COBL: variants seen among roughly 807,000 people sequenced by gnomAD.
COBL encodes the protein cordon-bleu WH2 repeat protein.
In COBL, 51 loss-of-function variants were observed where a neutral mutation model predicts 98.8. That is an observed-to-expected ratio of 0.52 (90% CI 0.41 to 0.65). The LOEUF (loss-of-function observed/expected upper bound fraction) is 0.65. Ranked by LOEUF, COBL falls within the 30% of genes least tolerant of loss-of-function variation. The pLI, the probability that COBL is intolerant of heterozygous loss-of-function variation, is 0.00. For synonymous variants in COBL, 634 were observed against 651.7 expected (o/e 0.97, Z 0.41); for missense variants, 1,617 against 1,617.5 (o/e 1.00, Z 0.01).
chr7:51,313,640 GA>G (rs572752719), intron 1 of COBL, among the ~76,000 whole-genome samples: 2 of 150,142 alleles, frequency 1.3e-5, no homozygotes, highest in East Asian at 1.9e-4. Flanking sequence ...TCCTCCATAG[GA>G]AAAAAAAAAT....
In COBL at chr7:51,029,345, G is replaced by A; in HGVS notation, c.1751C>T (p.Ala584Val). 6.2e-7 allele frequency: 1 copy of A among 1,604,640 alleles called. No individual in the cohort carries two copies. The highest frequency in any genetic ancestry group is 8.5e-7 in the Non-Finnish European group (1 of 1,174,130). The change falls in exon 10 of 13, where the codon GCT becomes GTT. Residue 584 changes from alanine to valine, a missense_variant. By Grantham distance (64) the Ala-to-Val change is moderately conservative (BLOSUM62 0). This residue lies in a region of COBL where 1,304 missense variants were observed against 1,282.0 expected (regional missense o/e 1.02). Coordinates refer to ENST00000265136, the MANE Select transcript of COBL (RefSeq NM_015198.5). ...CTTTTCATGGGGCTGGCTGTGCTCA[G>A]CTTGAAGTGGCGCCAGGGAGTCTCT... is the stretch of plus-strand genomic sequence containing the variant. Reference protein sequence around the residue: ...SRRDSLAPLQAEHSQPHEKAR... With the variant: ...SRRDSLAPLQVEHSQPHEKAR...
chr7:51,081,537 C>T (rs1447974735), intron 7 of COBL, among the ~76,000 whole-genome samples: 1 of 152,174 alleles, frequency 6.6e-6, no homozygotes, highest in Non-Finnish European at 1.5e-5. Context: ...AAGTACCCCT[C>T]CCACATCTTG....
rs1793454730 is a variant in COBL at position 51,219,854 on chromosome 7, G to A, written c.132C>T (p.Ala44=). 6.8e-6 allele frequency: 11 copies of A among 1,613,890 alleles called. No homozygotes were observed. The highest frequency in any genetic ancestry group is 2.7e-5 in the African/African-American group (2 of 75,022). Residue 44 remains alanine, a synonymous_variant, in exon 2 of 13, where the codon GCC becomes GCT. Coordinates refer to ENST00000265136, the MANE Select transcript of COBL (RefSeq NM_015198.5). The part of the protein sequence containing the change: ...HSDQKPPHDG[A]LGSQQNLVRM... ...GAACCAAGTTCTGCTGCGACCCGAG[G>A]GCCCCATCGTGGGGGGGCTTCTGGT... is the stretch of plus-strand genomic sequence containing the variant.
intron 1 of COBL, among the ~76,000 whole-genome samples, chr7:51,240,059 T>C (rs1279671130): frequency 6.6e-6 from 1 of 152,198 alleles, no homozygotes; most frequent in Non-Finnish European, 1.5e-5. Flanking sequence ...TTACAAAATA[T>C]TATTTTCCTG....
chr7:51,091,679 G>T (rs1255493075), intron 6 of COBL, among the ~76,000 whole-genome samples: 1 of 152,090 alleles, frequency 6.6e-6, no homozygotes. Flanking sequence ...AAAGCTCAAA[G>T]GACTCCAACT....
At chr7:51,186,398 C>T (rs1402607831) in intron 4 of COBL, among the ~76,000 whole-genome samples, 1 of 152,210 alleles carries the variant, frequency 6.6e-6, no homozygotes, top group Non-Finnish European at 1.5e-5. Context: ...AAACAGATGA[C>T]ATCATAGTAT....
At chr7:51,293,630 A>T (rs1002059009) in intron 1 of COBL, among the ~76,000 whole-genome samples, 2 of 152,236 alleles carry the variant, frequency 1.3e-5, no homozygotes, top group African/African-American at 4.8e-5. Flanking sequence ...GGTGTCACAC[A>T]CATCAAAATT....
At chr7:51,179,129 C>A (rs1192324172) in intron 5 of COBL, among the ~76,000 whole-genome samples, 1 of 152,182 alleles carries the variant, frequency 6.6e-6, no homozygotes, top group Non-Finnish European at 1.5e-5. Flanking sequence ...GAAATCCAAA[C>A]AGGGACCCTG....
intron 1 of COBL, among the ~76,000 whole-genome samples, chr7:51,262,471 A>C (rs554639252): frequency 6.6e-6 from 1 of 152,342 alleles, no homozygotes; most frequent in African/African-American, 2.4e-5. Flanking sequence ...GCCATGGGAA[A>C]GGACTCCTGC....
At chr7:51,143,036 G>C (rs1229124926) in intron 5 of COBL, among the ~76,000 whole-genome samples, 1 of 152,124 alleles carries the variant, frequency 6.6e-6, no homozygotes, top group Non-Finnish European at 1.5e-5. Flanking sequence ...GGAAAAGTAA[G>C]AGGAAGGGCA....
chr7:51,073,034 A>C (rs568703285), intron 7 of COBL: 9 of 238,640 alleles, frequency 3.8e-5, no homozygotes, highest in Non-Finnish European at 1.6e-5. Context: ...AATAAGAAAA[A>C]CATGAATTAA....
chr7:51,077,856 G>A (rs1296955995), intron 7 of COBL, among the ~76,000 whole-genome samples: 1 of 152,124 alleles, frequency 6.6e-6, no homozygotes, highest in African/African-American at 2.4e-5. Flanking sequence ...CCCTCAAGGA[G>A]GATGGTTCCT....
chr7:51,203,770 G>A (rs571219548), intron 2 of COBL, among the ~76,000 whole-genome samples: 3 of 152,094 alleles, frequency 2.0e-5, no homozygotes, highest in East Asian at 1.9e-4. Flanking sequence ...GGACCAAATC[G>A]ATTCAATGAA....
chr7:51,101,705 T>C (rs1187427809), intron 6 of COBL, among the ~76,000 whole-genome samples: 1 of 152,246 alleles, frequency 6.6e-6, no homozygotes, highest in Non-Finnish European at 1.5e-5. Flanking sequence ...AGAAACCAGT[T>C]TGTGCTTCAA....
chr7:51,257,301 C>T (rs1027559867), intron 1 of COBL, among the ~76,000 whole-genome samples: 1 of 152,188 alleles, frequency 6.6e-6, no homozygotes, highest in Non-Finnish European at 1.5e-5. Context: ...ATAAAACCTA[C>T]ATCACACCAA....
chr7:51,119,278 T>TCCTAGAAA (rs1797543998), intron 6 of COBL, among the ~76,000 whole-genome samples: 1 of 152,224 alleles, frequency 6.6e-6, no homozygotes, highest in South Asian at 2.1e-4. Context: ...TAGTGATATA[T>TCCTAGAAA]ATGGCGACAC....
chr7:51,300,049 C>T (rs1432398945), intron 1 of COBL, among the ~76,000 whole-genome samples: 6 of 152,182 alleles, frequency 3.9e-5, no homozygotes, highest in African/African-American at 1.4e-4. Flanking sequence ...TCCCCATGAC[C>T]CAGTCTATTG....
chr7:51,108,917 G>GACACACAC (rs1159629618), intron 6 of COBL, among the ~76,000 whole-genome samples: 42 of 57,912 alleles, frequency 7.3e-4, no homozygotes, highest in Non-Finnish European at 1.4e-3. Context: ...CTGACACATA[G>GACACACAC]ACACACACAC....
chr7:51,208,175 G>A (rs1791971408), intron 2 of COBL, among the ~76,000 whole-genome samples: 2 of 151,484 alleles, frequency 1.3e-5, no homozygotes, highest in Non-Finnish European at 2.9e-5. Context: ...TCTGAGAAGA[G>A]AGGAGACCCT....
Sources: allele counts gnomAD v4.1 joint callset (sites outside exome capture counted in the v4.1 genomes callset), GRCh38; gene constraint gnomAD v4.1.1; regional missense constraint gnomAD v4.1.1; transcripts MANE v1.5; gene names NCBI Gene and HGNC (gene_info 2026-07-23, HGNC 2026-07-21).